Variants in LARP4 observed in about 807,000 individuals in gnomAD.
The protein encoded by LARP4 is la-related protein 4.
In LARP4, 29 loss-of-function variants were observed where a neutral mutation model predicts 92.9. That is an observed-to-expected ratio of 0.31 (90% CI 0.23 to 0.43). The LOEUF (loss-of-function observed/expected upper bound fraction) is 0.43. Ranked by LOEUF, LARP4 falls within the 20% of genes least tolerant of loss-of-function variation. The probability of loss-of-function intolerance (pLI) is 1.00; values close to 1 mark genes in which losing one functional copy is unlikely to be tolerated. For missense variants in LARP4, 732 were observed against 860.0 expected, an observed-to-expected ratio of 0.85 and a Z score of 1.86; for synonymous variants, 279 against 284.1, an observed-to-expected ratio of 0.98 and a Z score of 0.18.
chr12:50,402,990 C>T (rs1306138553), intron 1 of LARP4, among the ~76,000 whole-genome samples: 1 of 152,124 alleles, frequency 6.6e-6, no homozygotes, highest in African/African-American at 2.4e-5. Context: ...CAGTGAAAAA[C>T]AACATGTTGG....
intron 10 of LARP4, 123 bp from the exon 11 acceptor site, chr12:50,461,012 C>T: frequency 4.1e-6 from 3 of 729,798 alleles, no homozygotes; most frequent in Non-Finnish European, 7.1e-6. Flanking sequence ...CAACATTATT[C>T]TTTTGTGTTT....
intron 1 of LARP4, among the ~76,000 whole-genome samples, chr12:50,423,697 T>C (rs1948237935): frequency 6.6e-6 from 1 of 151,640 alleles, no homozygotes. Context: ...TCTGCCTGCC[T>C]TGGCCTCCCA....
In LARP4 at chr12:50,441,652, T is replaced by C. The variant is rs772964883; in HGVS notation, c.804+9T>C. The stretch of plus-strand genomic sequence containing the variant: ...AGGGCAAGCCAATTATGGTAAGAAA[T>C]AGAGATCAGTGTGAAACCAGAACAG... On this transcript the variant is annotated intron_variant, in intron 8 of 15. Transcript: ENST00000398473. 3.8e-6 allele frequency: 6 copies of C among 1,587,312 alleles called. No homozygotes were observed. The highest frequency in any genetic ancestry group is 5.2e-6 in the Non-Finnish European group (6 of 1,163,274).
At chr12:50,465,781 C>T (rs1311415048) in intron 12 of LARP4, among the ~76,000 whole-genome samples, 2 of 152,104 alleles carry the variant, frequency 1.3e-5, no homozygotes, top group Non-Finnish European at 2.9e-5. Context: ...TATTTAAAAC[C>T]TACAATTCAA....
At chr12:50,426,056 C>A (rs1948660037) in intron 1 of LARP4, among the ~76,000 whole-genome samples, 1 of 152,142 alleles carries the variant, frequency 6.6e-6, no homozygotes, top group South Asian at 2.1e-4. Context: ...CGCCTCCACC[C>A]ACTGTACCCA....
chr12:50,462,604 A>C lies in LARP4; in HGVS notation c.1357A>C (p.Arg453=), dbSNP rs1227430849. ...AAGGAGAACTCTCTTCAGAGGTCGA[A>C]GACGACGAGAAGATGACAGGATCTC... ...RGRRTLFRGR[R]RREDDRISRP... Residue 453 remains arginine (R), a synonymous_variant, in exon 12 of 16, where the codon AGA becomes CGA. Coordinates refer to ENST00000398473, the MANE Select transcript of LARP4 (RefSeq NM_052879.5). 2 of 1,593,906 alleles carry C rather than the reference A, an allele frequency of 1.3e-6. No homozygotes were observed. The highest frequency in any genetic ancestry group is 1.8e-5 in the Admixed American group (1 of 57,036).
chr12:50,401,405 G>C (rs1388553437), intron 1 of LARP4: 1 of 214,166 alleles, frequency 4.7e-6, no homozygotes, highest in Non-Finnish European at 9.3e-6. Context: ...CGGGGGCCGA[G>C]CGCGGCCTCG....
intron 13 of LARP4, among the ~76,000 whole-genome samples, chr12:50,471,418 T>TTTA (rs1956916211): frequency 6.6e-6 from 1 of 152,246 alleles, no homozygotes; most frequent in African/African-American, 2.4e-5. Context: ...AAGTAAAATA[T>TTTA]TTATTCATTG....
chr12:50,466,144 T>C (rs1956123597), intron 12 of LARP4, among the ~76,000 whole-genome samples: 1 of 152,142 alleles, frequency 6.6e-6, no homozygotes, highest in Non-Finnish European at 1.5e-5. Context: ...GTTGAAGGCA[T>C]TGGTGACACC....
Position 50,466,996 on chromosome 12 carries a change from C to T in LARP4, c.1421C>T (p.Thr474Ile), listed in dbSNP as rs1278370858. ...HPSTAESKAP[T>I]PKFDLLASNF... is the part of the protein sequence containing the mutation. The stretch of plus-strand genomic sequence containing the variant: ...TCAACAGCTGAATCAAAGGCTCCAA[C>T]ACCAAAGTTTGACTTATTAGCCTCA... The change falls in exon 13 of 16, where the codon ACA (threonine) becomes ATA (isoleucine). Residue 474 changes from threonine to isoleucine, a missense_variant. Transcript: ENST00000398473. 6.2e-7 allele frequency: 1 copy of T among 1,612,846 alleles called. No homozygotes were observed. Among genetic ancestry groups the T allele is most frequent in the Non-Finnish European group, 8.5e-7 (1 of 1,179,408 alleles).
At chr12:50,421,827 C>T (rs1947855564) in intron 1 of LARP4, among the ~76,000 whole-genome samples, 1 of 152,008 alleles carries the variant, frequency 6.6e-6, no homozygotes, top group African/African-American at 2.4e-5. Context: ...GTGGTTAATC[C>T]TTTGTTTCTG....
chr12:50,459,506 C>T (rs911401078), intron 10 of LARP4, among the ~76,000 whole-genome samples: 1 of 152,082 alleles, frequency 6.6e-6, no homozygotes, highest in Non-Finnish European at 1.5e-5. Context: ...CCCGTTTTTA[C>T]TCCCATTAGC....
chr12:50,467,392 G>A (rs553442835), intron 13 of LARP4, among the ~76,000 whole-genome samples: 3 of 151,542 alleles, frequency 2.0e-5, no homozygotes, highest in African/African-American at 7.3e-5. Context: ...CTTGGTTCAA[G>A]TGATTCTCCT....
chr12:50,420,026 CA>C (rs1260161867), intron 1 of LARP4, among the ~76,000 whole-genome samples: 1 of 152,034 alleles, frequency 6.6e-6, no homozygotes, highest in East Asian at 1.9e-4. Context: ...GCAGAAAAAA[CA>C]AGTCACAAAA....
At chr12:50,461,808 A>G (rs531484804) in intron 11 of LARP4, among the ~76,000 whole-genome samples, 6 of 151,894 alleles carry the variant, frequency 4.0e-5, no homozygotes, top group Non-Finnish European at 8.8e-5. Context: ...AAATACAAAA[A>G]TTAGCTGGGC....
At chr12:50,404,387 A>G (rs1412295764) in intron 1 of LARP4, among the ~76,000 whole-genome samples, 1 of 152,022 alleles carries the variant, frequency 6.6e-6, no homozygotes, top group Non-Finnish European at 1.5e-5. Context: ...CTTAGATGCA[A>G]CTTTTTAAAA....
At chr12:50,442,857 A>G (rs1430154425) in intron 8 of LARP4, among the ~76,000 whole-genome samples, 1 of 152,214 alleles carries the variant, frequency 6.6e-6, no homozygotes, top group South Asian at 2.1e-4. Context: ...AGAACTTACC[A>G]TATTTAAATC....
intron 8 of LARP4, among the ~76,000 whole-genome samples, chr12:50,444,932 CAG>C (rs1951770129): frequency 1.3e-5 from 2 of 152,072 alleles, no homozygotes; most frequent in African/African-American, 2.4e-5. Context: ...TTTTTTGAGA[CAG>C]TGTCTTGCTT....
intron 4 of LARP4, among the ~76,000 whole-genome samples, chr12:50,433,763 C>A (rs967913432): frequency 2.6e-5 from 4 of 151,982 alleles, no homozygotes; most frequent in African/African-American, 7.3e-5. Context: ...ATTCAGCCTC[C>A]CAAGTAGCTG....
Sources: gnomAD v4.1 joint callset for allele counts (sites outside exome capture counted in the v4.1 genomes callset) on GRCh38, gnomAD v4.1.1 for gene constraint, MANE v1.5 for transcripts, NCBI Gene and HGNC (gene_info 2026-07-23, HGNC 2026-07-21) for gene names.